The following NKAIN2 variants were observed in gnomAD, a reference collection of about 807,000 sequenced individuals.
NKAIN2 encodes sodium/potassium-transporting ATPase subunit beta-1-interacting protein 2.
NKAIN2 carries 14 observed loss-of-function variants against 32.6 expected under a neutral mutation model. The observed-to-expected ratio is 0.43, with a 90% CI of 0.28 to 0.67. NKAIN2 has a LOEUF of 0.67. Among genes scored for constraint, NKAIN2 ranks in the 30% least tolerant of loss-of-function variants. NKAIN2 has a pLI of 0.17. For missense variants in NKAIN2, 198 were observed against 258.3 expected, an observed-to-expected ratio of 0.77 and a Z score of 1.60; for synonymous variants, 80 against 87.2, an observed-to-expected ratio of 0.92 and a Z score of 0.46.
At chr6:124,334,550 TG>T (rs201373753) in intron 2 of NKAIN2, among the ~76,000 whole-genome samples, 11 of 46,344 alleles carry the variant, frequency 2.4e-4, no homozygotes, top group African/African-American at 1.2e-3. Flanking sequence ...AGTCGGTTCC[TG>T]GTGGGGGGCA....
intron 1 of NKAIN2, among the ~76,000 whole-genome samples, chr6:123,876,477 TA>T (rs1190107602): frequency 6.6e-6 from 1 of 152,144 alleles, no homozygotes; most frequent in Non-Finnish European, 1.5e-5. Flanking sequence ...CAAGATTTTA[TA>T]AAGGATTTGC....
intron 1 of NKAIN2, among the ~76,000 whole-genome samples, chr6:123,853,784 T>G (rs985179264): frequency 6.6e-6 from 1 of 152,114 alleles, no homozygotes; most frequent in African/African-American, 2.4e-5. Context: ...CCTTTTTTTT[T>G]TTTTTGAGAT....
intron 1 of NKAIN2, among the ~76,000 whole-genome samples, chr6:124,025,844 T>C (rs1036453728): frequency 6.6e-6 from 1 of 152,176 alleles, no homozygotes; most frequent in Non-Finnish European, 1.5e-5. Flanking sequence ...TATGGCCCCT[T>C]GACAACAGAG....
chr6:124,295,992 A>G (rs1296585551), intron 2 of NKAIN2, among the ~76,000 whole-genome samples: 1 of 152,178 alleles, frequency 6.6e-6, no homozygotes, highest in African/African-American at 2.4e-5. Flanking sequence ...ATCTCAATGA[A>G]TAACATCACT....
intron 4 of NKAIN2, among the ~76,000 whole-genome samples, chr6:124,711,996 T>C (rs1313599751): frequency 6.6e-6 from 1 of 152,114 alleles, no homozygotes; most frequent in Non-Finnish European, 1.5e-5. Flanking sequence ...GATGGGTTTT[T>C]GGTGTGGATG....
At chr6:124,354,776 T>G (rs1798890154) in intron 2 of NKAIN2, among the ~76,000 whole-genome samples, 1 of 151,808 alleles carries the variant, frequency 6.6e-6, no homozygotes, top group Non-Finnish European at 1.5e-5. Context: ...CTATTTTTTT[T>G]GTCTTAAAAC....
chr6:124,706,853 T>A (rs998093245), intron 4 of NKAIN2, among the ~76,000 whole-genome samples: 10 of 152,034 alleles, frequency 6.6e-5, no homozygotes, highest in South Asian at 4.1e-4. Flanking sequence ...ATTTTTTTTT[T>A]ATTATACTTT....
At chr6:123,977,821 T>C (rs1267820170) in intron 1 of NKAIN2, among the ~76,000 whole-genome samples, 1 of 152,196 alleles carries the variant, frequency 6.6e-6, no homozygotes, top group East Asian at 1.9e-4. Context: ...TTTCTCTGTC[T>C]TGATTCATTT....
chr6:124,249,160 C>T (rs1213859165), intron 1 of NKAIN2, among the ~76,000 whole-genome samples: 2 of 152,152 alleles, frequency 1.3e-5, no homozygotes, highest in Non-Finnish European at 2.9e-5. Flanking sequence ...TGAGCAACTA[C>T]TGTGTTACTA....
At chr6:124,219,209 A>G (rs1378430451) in intron 1 of NKAIN2, among the ~76,000 whole-genome samples, 1 of 152,166 alleles carries the variant, frequency 6.6e-6, no homozygotes, top group Non-Finnish European at 1.5e-5. Context: ...TTAAAAAATT[A>G]TATTAGGACA....
chr6:124,202,868 T>A (rs1413562877), intron 1 of NKAIN2, among the ~76,000 whole-genome samples: 1 of 151,578 alleles, frequency 6.6e-6, no homozygotes. Context: ...TAGAAAGAAA[T>A]AAAAGAAATA....
chr6:124,126,771 A>G (rs1786184548), intron 1 of NKAIN2, among the ~76,000 whole-genome samples: 1 of 152,196 alleles, frequency 6.6e-6, no homozygotes, highest in Admixed American at 6.5e-5. Flanking sequence ...CCTGGGCAAC[A>G]TGGCAAAACC....
intron 4 of NKAIN2, chr6:124,659,064 A>G (rs570615322): frequency 6.6e-6 from 1 of 152,280 alleles, no homozygotes; most frequent in East Asian, 1.9e-4. Context: ...TTAACATTGT[A>G]TTACTATGAC....
chr6:124,322,595 A>C (rs1249090188), intron 2 of NKAIN2, among the ~76,000 whole-genome samples: 1 of 152,164 alleles, frequency 6.6e-6, no homozygotes, highest in East Asian at 1.9e-4. Context: ...CATATCTATA[A>C]CTGTGTCATT....
intron 1 of NKAIN2, among the ~76,000 whole-genome samples, chr6:123,921,715 CT>C (rs1304257729): frequency 6.6e-6 from 1 of 152,176 alleles, no homozygotes; most frequent in Non-Finnish European, 1.5e-5. Flanking sequence ...TATGATATGG[CT>C]TCAGGAGAAC....
chr6:124,162,991 C>T (rs1788351465), intron 1 of NKAIN2, among the ~76,000 whole-genome samples: 1 of 151,950 alleles, frequency 6.6e-6, no homozygotes. Flanking sequence ...TTATAATGTT[C>T]TTATTTTCTG....
At chr6:124,411,258 T>C (rs1230442235) in intron 3 of NKAIN2, among the ~76,000 whole-genome samples, 7 of 152,136 alleles carry the variant, frequency 4.6e-5, no homozygotes, top group Admixed American at 2.0e-4. Context: ...CGTTAGTTGA[T>C]GCAGTTTCTT....
At chr6:124,204,616 T>C (rs1790766028) in intron 1 of NKAIN2, among the ~76,000 whole-genome samples, 1 of 151,776 alleles carries the variant, frequency 6.6e-6, no homozygotes, top group African/African-American at 2.4e-5. Context: ...TAATAGCAAG[T>C]TGTAAACTGT....
chr6:124,098,294 A>G (rs1784729194), intron 1 of NKAIN2, among the ~76,000 whole-genome samples: 1 of 152,168 alleles, frequency 6.6e-6, no homozygotes, highest in African/African-American at 2.4e-5. Flanking sequence ...AACACCTGTA[A>G]GCTCTTTGAG....
Sources: allele counts gnomAD v4.1 joint callset (sites outside exome capture counted in the v4.1 genomes callset), GRCh38; gene constraint gnomAD v4.1.1; transcripts MANE v1.5; gene names NCBI Gene and HGNC (gene_info 2026-07-23, HGNC 2026-07-21).